SFSWAP: variants seen among roughly 807,000 people sequenced by gnomAD.
The protein encoded by SFSWAP is splicing factor SWAP, also known as splicing factor, suppressor of white-apricot homolog.
Under a neutral mutation model 100.7 loss-of-function variants are expected in SFSWAP, and 17 were observed. The ratio of observed to expected loss-of-function variants is 0.17; its 90% CI spans 0.12 to 0.25. The LOEUF (loss-of-function observed/expected upper bound fraction) is 0.25, where lower values mean the gene tolerates loss of function less well. Ranked by LOEUF, SFSWAP falls within the 10% of genes least tolerant of loss-of-function variation. The pLI is 1.00. For synonymous variants in SFSWAP, 504 were observed against 510.1 expected, an observed-to-expected ratio of 0.99 and a Z score of 0.16; for missense variants, 1,005 against 1,262.6, an observed-to-expected ratio of 0.80 and a Z score of 3.09.
At chr12:131,789,262 C>T (rs1885092926) in intron 15 of SFSWAP, among the ~76,000 whole-genome samples, 1 of 152,322 alleles carries the variant, frequency 6.6e-6, no homozygotes, top group East Asian at 1.9e-4. Context: ...CATAAACCAC[C>T]ATGCCCGGCC....
In SFSWAP at chr12:131,734,566, A is replaced by C. The variant is rs898037643; in HGVS notation, c.1081+6138A>C. ...CATGTGTGGGCTTGTGCATGTTTGAATGCCCTGTGGACCCGGAGCTCTGTG... is the reference window on the plus strand; with the variant it reads ...CATGTGTGGGCTTGTGCATGTTTGACTGCCCTGTGGACCCGGAGCTCTGTG... On this transcript the variant is annotated intron_variant, in intron 7 of 17. Coordinates refer to ENST00000261674, the MANE Select transcript of SFSWAP (RefSeq NM_004592.4). This position sits in a 1 kb window ranked among gnomAD's most constrained non-coding sequence, Gnocchi z 4.9. 5.9e-5 allele frequency among the ~76,000 whole-genome samples: 9 copies of C among 152,192 alleles called. No homozygotes were observed. Among genetic ancestry groups the C allele is most frequent in the African/African-American group, 2.2e-4 (9 of 41,436 alleles).
intron 13 of SFSWAP, among the ~76,000 whole-genome samples, chr12:131,770,035 C>T (rs1883457385): frequency 6.6e-6 from 1 of 152,190 alleles, no homozygotes; most frequent in Non-Finnish European, 1.5e-5. Context: ...ATGGTTGTAG[C>T]AGATGATGAT....
chr12:131,789,067 A>G (rs868409659), intron 15 of SFSWAP, among the ~76,000 whole-genome samples: 1 of 151,722 alleles, frequency 6.6e-6, no homozygotes, highest in South Asian at 2.1e-4. Context: ...TGCGGCCTCA[A>G]CCTCCTGGGT....
intron 14 of SFSWAP, chr12:131,785,431 CTT>C: frequency 2.1e-6 from 1 of 470,648 alleles, no homozygotes; most frequent in Non-Finnish European, 3.7e-6. Flanking sequence ...CAACGTAGAA[CTT>C]TTTCAAATGG....
intron 7 of SFSWAP, among the ~76,000 whole-genome samples, chr12:131,744,827 A>G (rs995263238): frequency 2.0e-5 from 3 of 152,220 alleles, no homozygotes; most frequent in African/African-American, 7.2e-5. Flanking sequence ...AGGCCTCACA[A>G]TCATGGCAGA....
chr12:131,715,643 A>G (rs1008487062), intron 3 of SFSWAP, among the ~76,000 whole-genome samples: 2 of 152,254 alleles, frequency 1.3e-5, no homozygotes, highest in South Asian at 2.1e-4. Flanking sequence ...TCAGTCGTTA[A>G]TTAGCAGTAA....
chr12:131,727,553 G>A (rs147874821), intron 6 of SFSWAP, among the ~76,000 whole-genome samples: 3 of 152,180 alleles, frequency 2.0e-5, no homozygotes, highest in Admixed American at 1.3e-4. Context: ...GCTGAGGCAC[G>A]AGAATTGCTT....
At chr12:131,719,619 T>C (rs933533849) in intron 4 of SFSWAP, 80 bp downstream of exon 4, 7 of 1,098,046 alleles carry the variant, frequency 6.4e-6, no homozygotes, top group Non-Finnish European at 8.3e-6. Flanking sequence ...AGCTCAATAA[T>C]GATTATAGCT....
chr12:131,756,006 C>T (rs1052335871), intron 10 of SFSWAP, among the ~76,000 whole-genome samples: 1 of 152,228 alleles, frequency 6.6e-6, no homozygotes, highest in Non-Finnish European at 1.5e-5. Flanking sequence ...CTTTGCTCTG[C>T]TCTTCTCAGT....
chr12:131,760,580 A>C (rs967364854), intron 11 of SFSWAP, among the ~76,000 whole-genome samples: 1 of 152,216 alleles, frequency 6.6e-6, no homozygotes. Flanking sequence ...TTTAAATGAA[A>C]ATGACCTTCT....
chr12:131,741,924 C>T (rs537537707), intron 7 of SFSWAP, among the ~76,000 whole-genome samples: 28 of 152,146 alleles, frequency 1.8e-4, no homozygotes, highest in Admixed American at 1.4e-3. Context: ...GGTCTCATGC[C>T]GTCTGGTGCT....
intron 7 of SFSWAP, among the ~76,000 whole-genome samples, chr12:131,729,029 C>A (rs1188663819): frequency 6.6e-6 from 1 of 152,112 alleles, no homozygotes. Flanking sequence ...CCACCCAAGC[C>A]ATAGCTAGTG....
chr12:131,727,680 A>T (rs942472795), intron 6 of SFSWAP, among the ~76,000 whole-genome samples: 4 of 152,128 alleles, frequency 2.6e-5, no homozygotes, highest in Non-Finnish European at 5.9e-5. Context: ...TCATCATAGG[A>T]TTGGATTTTA....
At chr12:131,782,531 T>C (rs1259799131) in intron 14 of SFSWAP, among the ~76,000 whole-genome samples, 1 of 152,238 alleles carries the variant, frequency 6.6e-6, no homozygotes, top group Non-Finnish European at 1.5e-5. Flanking sequence ...ACAGACCTAA[T>C]TGATCATTTT....
chr12:131,732,510 G>C (rs1438174009), intron 7 of SFSWAP, among the ~76,000 whole-genome samples: 1 of 152,230 alleles, frequency 6.6e-6, no homozygotes, highest in Admixed American at 6.5e-5. Context: ...GAAGGTTTGA[G>C]GGGCCCCTTT....
chr12:131,736,259 A>G (rs1484477742), intron 7 of SFSWAP, among the ~76,000 whole-genome samples: 7 of 152,258 alleles, frequency 4.6e-5, no homozygotes, highest in Admixed American at 3.9e-4. Flanking sequence ...AAAACATCAC[A>G]TAAGAGCCTC....
chr12:131,786,402 A>T, intron 14 of SFSWAP, 61 bp from the exon 15 acceptor site: 1 of 1,524,462 alleles, frequency 6.6e-7, no homozygotes, highest in South Asian at 1.2e-5. Flanking sequence ...GGGCAGTAGG[A>T]AGCATGACAC....
intron 4 of SFSWAP, among the ~76,000 whole-genome samples, chr12:131,719,987 G>T (rs1878319046): frequency 6.6e-6 from 1 of 152,162 alleles, no homozygotes; most frequent in Admixed American, 6.5e-5. Context: ...TTTCTGTGTT[G>T]TGATAGGTCC....
At chr12:131,755,241 T>G in intron 9 of SFSWAP, 145 bp from the exon 10 acceptor site, 2 of 626,286 alleles carry the variant, frequency 3.2e-6, no homozygotes, top group Non-Finnish European at 5.6e-6. Flanking sequence ...GTGTGCAGTC[T>G]CCCTCGTCTA....
Sources: gnomAD v4.1 joint callset for allele counts (sites outside exome capture counted in the v4.1 genomes callset) on GRCh38, gnomAD v4.1.1 for gene constraint, Gnocchi (gnomAD v3.1) non-coding constraint, MANE v1.5 for transcripts, NCBI Gene and HGNC (gene_info 2026-07-23, HGNC 2026-07-21) for gene names.